BEND5: variants seen among roughly 807,000 people sequenced by gnomAD.
The protein encoded by BEND5 is BEN domain-containing protein 5.
BEND5 carries 22 observed loss-of-function variants against 43.9 expected under a neutral mutation model. The ratio of observed to expected loss-of-function variants is 0.50; its 90% CI spans 0.36 to 0.72. The LOEUF is 0.72. Among genes scored for constraint, BEND5 ranks in the 30% least tolerant of loss-of-function variants. The pLI, the probability that BEND5 is intolerant of heterozygous loss-of-function variation, is 0.00. For synonymous variants in BEND5, 228 were observed against 225.9 expected (o/e 1.01, Z -0.08); for missense variants, 428 against 550.6 (o/e 0.78, Z 2.23).
intron 5 of BEND5, among the ~76,000 whole-genome samples, chr1:48,732,562 A>T (rs1443540815): frequency 1.3e-5 from 2 of 151,680 alleles, no homozygotes; most frequent in Non-Finnish European, 1.5e-5. Flanking sequence ...CTTTAGACTG[A>T]GTGGCTGGGG....
At chr1:48,734,372 T>C (rs1648672084) in intron 5 of BEND5, among the ~76,000 whole-genome samples, 1 of 152,168 alleles carries the variant, frequency 6.6e-6, no homozygotes, top group South Asian at 2.1e-4. Context: ...GGCATATTTC[T>C]CCACCTCCAC....
At chr1:48,757,394 G>T (rs374909374) in intron 3 of BEND5, among the ~76,000 whole-genome samples, 1 of 152,128 alleles carries the variant, frequency 6.6e-6, no homozygotes, top group Admixed American at 6.5e-5. Context: ...ACTAACTTTT[G>T]AAGTTGCAAA....
At chr1:48,775,762 T>C (rs578146589) in intron 1 of BEND5, among the ~76,000 whole-genome samples, 2 of 152,326 alleles carry the variant, frequency 1.3e-5, no homozygotes, top group African/African-American at 2.4e-5. Flanking sequence ...TGAACCTCAG[T>C]ACCCTCATCT....
intron 2 of BEND5, chr1:48,761,130 C>A: frequency 1.8e-6 from 1 of 546,324 alleles, no homozygotes; most frequent in East Asian, 3.2e-5. Flanking sequence ...AGCTTGGTGG[C>A]ACAGCATGAA....
At chr1:48,751,776 G>T (rs1253884782) in intron 3 of BEND5, among the ~76,000 whole-genome samples, 1 of 152,234 alleles carries the variant, frequency 6.6e-6, no homozygotes, top group Non-Finnish European at 1.5e-5. Flanking sequence ...TACCTAGGCA[G>T]TTGTTAGAAA....
At chr1:48,758,787 C>T in intron 3 of BEND5, 113 bp downstream of exon 3, 2 of 949,028 alleles carry the variant, frequency 2.1e-6, no homozygotes, top group Non-Finnish European at 3.0e-6. Flanking sequence ...AGAGTCTGTC[C>T]TTCCCTAGCC....
At chr1:48,751,242 G>A (rs921867449) in intron 3 of BEND5, among the ~76,000 whole-genome samples, 10 of 152,164 alleles carry the variant, frequency 6.6e-5, no homozygotes, top group African/African-American at 2.4e-4. Flanking sequence ...AAGACATGGT[G>A]GGCTTTTAAA....
At chr1:48,757,909 T>G (rs551647569) in intron 3 of BEND5, among the ~76,000 whole-genome samples, 1 of 152,314 alleles carries the variant, frequency 6.6e-6, no homozygotes, top group East Asian at 1.9e-4. Flanking sequence ...GGCAAAGAAC[T>G]TGTGTTATAC....
intron 4 of BEND5, among the ~76,000 whole-genome samples, chr1:48,738,030 C>T (rs1649336742): frequency 6.6e-6 from 1 of 152,120 alleles, no homozygotes; most frequent in Non-Finnish European, 1.5e-5. Context: ...GATGCATACC[C>T]AACTAATGGC....
At chr1:48,749,012 A>C (rs948236465) in intron 3 of BEND5, among the ~76,000 whole-genome samples, 10 of 152,048 alleles carry the variant, frequency 6.6e-5, no homozygotes, top group African/African-American at 2.4e-4. Flanking sequence ...AGAGCAGCAG[A>C]GTTGAAATGG....
At chr1:48,741,724 T>C (rs1322225166) in intron 4 of BEND5, among the ~76,000 whole-genome samples, 3 of 152,142 alleles carry the variant, frequency 2.0e-5, no homozygotes, top group Non-Finnish European at 4.4e-5. Flanking sequence ...TGATACTAAA[T>C]AAACAGAGAC....
rs1392813465 is a variant in BEND5, at chr1:48,750,866, T to C, written c.745+8034A>G. ...ACGAGGTGAACTCTGGGGTTCCTTA[T>C]AGGACTAAGGTCCTAGGACTCTAAG... is the stretch of plus-strand genomic sequence containing the variant. On this transcript the variant is annotated intron_variant, in intron 3 of 5. Transcript: ENST00000371833. 1.2e-4 allele frequency among the ~76,000 whole-genome samples: 18 copies of C among 152,224 alleles called. No homozygotes were observed. The East Asian group carries it at 2.5e-3, about 21-fold the overall frequency.
chr1:48,733,606 A>C (rs1189282793), intron 5 of BEND5, among the ~76,000 whole-genome samples: 1 of 152,172 alleles, frequency 6.6e-6, no homozygotes, highest in Non-Finnish European at 1.5e-5. Flanking sequence ...GGAGCTAAGG[A>C]GTGTGTAATG....
intron 1 of BEND5, among the ~76,000 whole-genome samples, chr1:48,766,716 C>T (rs979613605): frequency 6.6e-6 from 1 of 152,158 alleles, no homozygotes; most frequent in Non-Finnish European, 1.5e-5. Flanking sequence ...AGGGGGATTT[C>T]GAGGCTCCTC....
At chr1:48,766,049 C>T (rs900744112) in intron 1 of BEND5, among the ~76,000 whole-genome samples, 18 of 152,110 alleles carry the variant, frequency 1.2e-4, no homozygotes, top group Admixed American at 1.2e-3. Context: ...CTTGCACACA[C>T]TTTAAAATGG....
intron 5 of BEND5, among the ~76,000 whole-genome samples, chr1:48,735,859 CT>C (rs1416018779): frequency 6.6e-6 from 1 of 152,080 alleles, no homozygotes; most frequent in Non-Finnish European, 1.5e-5. Flanking sequence ...AGAGCAATAC[CT>C]CACCATACAC....
At chr1:48,733,434 T>G (rs1319852339) in intron 5 of BEND5, among the ~76,000 whole-genome samples, 3 of 152,208 alleles carry the variant, frequency 2.0e-5, no homozygotes, top group African/African-American at 7.2e-5. Context: ...TTCCTTTATT[T>G]TCCTCTGTGA....
chr1:48,756,611 T>C (rs928758463), intron 3 of BEND5, among the ~76,000 whole-genome samples: 6 of 152,152 alleles, frequency 3.9e-5, no homozygotes, highest in East Asian at 1.9e-4. Flanking sequence ...AGTAGGGAAG[T>C]TGGGATTTGA....
chr1:48,762,264 T>C (rs1644300228), intron 1 of BEND5, among the ~76,000 whole-genome samples: 1 of 152,212 alleles, frequency 6.6e-6, no homozygotes, highest in Admixed American at 6.5e-5. Flanking sequence ...TATAAAAGGA[T>C]ATTATTTCTA....
Sources: allele counts gnomAD v4.1 joint callset (sites outside exome capture counted in the v4.1 genomes callset), GRCh38; gene constraint gnomAD v4.1.1; transcripts MANE v1.5; gene names NCBI Gene and HGNC (gene_info 2026-07-23, HGNC 2026-07-21).